EPHA5: variants seen among roughly 807,000 people sequenced by gnomAD.
The protein encoded by EPHA5 is EPH receptor A5.
Under a neutral mutation model 105.0 loss-of-function variants are expected in EPHA5, and 60 were observed. That is an observed-to-expected ratio of 0.57 (90% CI 0.46 to 0.71). The LOEUF (loss-of-function observed/expected upper bound fraction) is 0.71, where lower values mean the gene tolerates loss of function less well. Among genes scored for constraint, EPHA5 ranks in the 30% least tolerant of loss-of-function variants. The pLI is 0.00. For missense variants in EPHA5, 1,218 were observed against 1,274.7 expected (o/e 0.96, Z 0.68); for synonymous variants, 513 against 449.1 (o/e 1.14, Z -1.80).
chr4:65,587,203 A>C (rs745379548), intron 3 of EPHA5, among the ~76,000 whole-genome samples: 3 of 152,020 alleles, frequency 2.0e-5, no homozygotes, highest in Non-Finnish European at 4.4e-5. Context: ...TAACTTCTTT[A>C]CTGTGGAAAT....
Position 65,580,944 on chromosome 4 carries a change from C to T in EPHA5, c.910+20697G>A, listed in dbSNP as rs188498543. 1.4e-3 allele frequency among the ~76,000 whole-genome samples: 217 copies of T among 151,820 alleles called. 1 individual carries two copies. The highest frequency in any genetic ancestry group is 4.9e-3 in the African/African-American group (204 of 41,492). On this transcript the variant is annotated intron_variant, in intron 3 of 16. Transcript: ENST00000613740. ...TATCCCAAGTAATTACAAGAGATTT[C>T]GAAAATGTAGTGTAATTCAGGTTTT... is the stretch of plus-strand genomic sequence containing the variant.
rs115632397 is a variant in EPHA5 at position 65,546,405 on chromosome 4, A to G, written c.911-50862T>C. Among the ~76,000 whole-genome samples the G allele has an allele frequency of 2.5e-3, 385 of 152,120 alleles. 1 individual carries two copies. The highest frequency in any genetic ancestry group is 8.4e-3 in the African/African-American group (350 of 41,554). Reference sequence around the variant, plus strand: ...ATATTTGAGAGTTGTTAAAAGGTGGATATGCTCAGTATTGCCTATAAAGCA... The same window carrying G: ...ATATTTGAGAGTTGTTAAAAGGTGGGTATGCTCAGTATTGCCTATAAAGCA... On this transcript the variant is annotated intron_variant, in intron 3 of 16. Coordinates refer to ENST00000613740, the MANE Select transcript of EPHA5 (RefSeq NM_001281766.3).
Position 65,341,227 on chromosome 4 carries a change from G to A in EPHA5, c.2596-5102C>T, listed in dbSNP as rs1322849074. Among the ~76,000 whole-genome samples the A allele has an allele frequency of 2.0e-5, 3 of 152,154 alleles. No individual in the cohort carries two copies. In the East Asian group the frequency reaches 5.8e-4, roughly 29 times the overall value. Reference sequence around the variant, plus strand: ...ATTCATCCATATTACAAATCTACAAGATAAAAATTATTATACACATTTCAC... The same window carrying A: ...ATTCATCCATATTACAAATCTACAAAATAAAAATTATTATACACATTTCAC... On this transcript the variant is annotated intron_variant, in intron 14 of 16. Transcript: ENST00000613740.
chr4:65,448,437 C>T (rs1327310247), intron 5 of EPHA5, among the ~76,000 whole-genome samples: 2 of 152,114 alleles, frequency 1.3e-5, no homozygotes, highest in East Asian at 1.9e-4. Flanking sequence ...CACTTAAAGT[C>T]AGGAGTTCCA....
chr4:65,464,842 G>A (rs537670228), intron 5 of EPHA5, among the ~76,000 whole-genome samples: 1 of 151,824 alleles, frequency 6.6e-6, no homozygotes, highest in Non-Finnish European at 1.5e-5. Flanking sequence ...GGAATTAATA[G>A]CATTTAAATG....
rs2148888260 is a variant in EPHA5, at chr4:65,365,086, C to G, written c.2104G>C (p.Gly702Arg). The G allele has an allele frequency of 6.2e-7, 1 of 1,611,808 alleles. No homozygotes were observed. The highest frequency in any genetic ancestry group is 2.2e-5 in the East Asian group (1 of 44,722). The change falls in exon 11 of 17, where the codon GGT becomes CGT. Residue 702 changes from glycine to arginine, a missense_variant. Transcript: ENST00000613740. The part of the protein sequence containing the change: ...YTEKQRRDFL[G>R]EASIMGQFDH... ...AACTGTCCCATGATACTTGCTTCAC[C>G]TAGGAAATCTCTGCGTTGCTTTTCA...
At chr4:65,401,834 A>T (rs1721856414) in intron 8 of EPHA5, among the ~76,000 whole-genome samples, 1 of 152,122 alleles carries the variant, frequency 6.6e-6, no homozygotes, top group Non-Finnish European at 1.5e-5. Flanking sequence ...CAAATGAGAC[A>T]TTATACTAAA....
intron 3 of EPHA5, among the ~76,000 whole-genome samples, chr4:65,590,119 C>T (rs555802119): frequency 2.0e-5 from 3 of 152,228 alleles, no homozygotes; most frequent in East Asian, 1.9e-4. Flanking sequence ...TGGAGTTATC[C>T]GTCAGTCAAA....
intron 2 of EPHA5, among the ~76,000 whole-genome samples, chr4:65,641,549 T>C (rs1277476003): frequency 1.3e-5 from 2 of 152,236 alleles, no homozygotes; most frequent in Non-Finnish European, 2.9e-5. Flanking sequence ...TATATGTTTT[T>C]ACTATCATTG....
intron 8 of EPHA5, among the ~76,000 whole-genome samples, chr4:65,370,125 G>A (rs1336923978): frequency 6.6e-6 from 1 of 152,046 alleles, no homozygotes; most frequent in Non-Finnish European, 1.5e-5. Flanking sequence ...GGATCTCATG[G>A]CTTCAAATTT....
Position 65,490,363 on chromosome 4 carries a change from G to A in EPHA5, c.1402+14C>T, listed in dbSNP as rs1731278020. On this transcript the variant is annotated intron_variant, in intron 5 of 16. Transcript: ENST00000613740. ...AGGCCTCACATACACAATTGGGTTG[G>A]GCATGGCACTTACCTGCTTGATTTG... is the stretch of plus-strand genomic sequence containing the variant. The A allele has an allele frequency of 1.2e-6, 2 of 1,609,018 alleles. No homozygotes were observed. The highest frequency in any genetic ancestry group is 1.1e-5 in the South Asian group (1 of 90,922).
intron 16 of EPHA5, chr4:65,330,440 T>C (rs761110352): frequency 1.2e-4 from 21 of 179,430 alleles, no homozygotes; most frequent in Non-Finnish European, 2.2e-4. Flanking sequence ...AAAACACAAG[T>C]AGCTAATGCA....
intron 8 of EPHA5, among the ~76,000 whole-genome samples, chr4:65,377,420 A>G (rs1004196300): frequency 2.6e-5 from 4 of 151,992 alleles, no homozygotes; most frequent in African/African-American, 7.2e-5. Context: ...CAAAATTTAC[A>G]TCAGAAGAAA....
intron 5 of EPHA5, among the ~76,000 whole-genome samples, chr4:65,446,511 C>A (rs1726546169): frequency 6.6e-6 from 1 of 152,076 alleles, no homozygotes; most frequent in African/African-American, 2.4e-5. Flanking sequence ...GAGGCTATTA[C>A]AATGTGGAAA....
rs116762273 is a variant in EPHA5 at position 65,638,465 on chromosome 4, C to T, written c.246+4898G>A. Among the ~76,000 whole-genome samples, 784 of 152,182 alleles carry T rather than the reference C, an allele frequency of 5.2e-3. 4 individuals are homozygous for T. The highest frequency in any genetic ancestry group is 9.0e-3 in the Non-Finnish European group (614 of 68,008). On this transcript the variant is annotated intron_variant, in intron 2 of 16. Transcript: ENST00000613740. ...TATATGTAAATAGGCAGACTGGGCA[C>T]GGTGGCTCATGCCTGTAATCCTAGC... is the stretch of plus-strand genomic sequence containing the variant.
chr4:65,421,827 G>T (rs1471591365), intron 5 of EPHA5, among the ~76,000 whole-genome samples: 1 of 152,076 alleles, frequency 6.6e-6, no homozygotes, highest in Non-Finnish European at 1.5e-5. Flanking sequence ...TTTGTTGAAT[G>T]AATTGATGGA....
chr4:65,458,504 G>A (rs1003910318), intron 5 of EPHA5, among the ~76,000 whole-genome samples: 2 of 152,022 alleles, frequency 1.3e-5, no homozygotes, highest in African/African-American at 2.4e-5. Flanking sequence ...TTATTCAACT[G>A]TCTCCTTAAT....
At chr4:65,659,642 A>T (rs985213406) in intron 1 of EPHA5, among the ~76,000 whole-genome samples, 18 of 152,218 alleles carry the variant, frequency 1.2e-4, no homozygotes, top group African/African-American at 4.3e-4. Flanking sequence ...AACCACTTAG[A>T]ACAATGTCCC....
At chr4:65,641,546 T>C (rs1011216918) in intron 2 of EPHA5, among the ~76,000 whole-genome samples, 9 of 152,294 alleles carry the variant, frequency 5.9e-5, no homozygotes, top group Admixed American at 6.5e-5. Flanking sequence ...GTCTATATGT[T>C]TTTACTATCA....
Sources: allele counts gnomAD v4.1 joint callset (sites outside exome capture counted in the v4.1 genomes callset), GRCh38; gene constraint gnomAD v4.1.1; transcripts MANE v1.5; gene names NCBI Gene and HGNC (gene_info 2026-07-23, HGNC 2026-07-21).